LRP1B: variants seen among roughly 807,000 people sequenced by gnomAD.
LRP1B encodes the protein low-density lipoprotein receptor-related protein 1B.
A neutral mutation model predicts 556.6 loss-of-function variants in LRP1B; 217 were observed. The ratio of observed to expected loss-of-function variants is 0.39; its 90% confidence interval spans 0.35 to 0.44. The LOEUF (loss-of-function observed/expected upper bound fraction) is 0.44, where lower values mean the gene tolerates loss of function less well. Ranked by LOEUF, LRP1B falls within the 20% of genes least tolerant of loss-of-function variation. The probability of loss-of-function intolerance (pLI) is 1.00; values close to 1 mark genes in which losing one functional copy is unlikely to be tolerated. For missense variants in LRP1B, 5,053 were observed against 5,620.8 expected (o/e 0.90, Z 3.23); for synonymous variants, 2,047 against 1,865.8 (o/e 1.10, Z -2.50).
At chr2:141,119,850 G>A (rs1363495366) in intron 7 of LRP1B, among the ~76,000 whole-genome samples, 2 of 151,604 alleles carry the variant, frequency 1.3e-5, no homozygotes, top group African/African-American at 4.8e-5. Flanking sequence ...GCACAGACTT[G>A]GCCTAAGAAG....
chr2:140,380,904 C>A (rs1157645184), intron 67 of LRP1B, among the ~76,000 whole-genome samples: 3 of 152,146 alleles, frequency 2.0e-5, no homozygotes, highest in Non-Finnish European at 2.9e-5. Flanking sequence ...AATTATTCTG[C>A]TTCAAAATGG....
At chr2:140,938,152 A>G (rs1695285143) in intron 20 of LRP1B, among the ~76,000 whole-genome samples, 1 of 151,566 alleles carries the variant, frequency 6.6e-6, no homozygotes, top group Non-Finnish European at 1.5e-5. Context: ...CCTTTTCCTC[A>G]TCTACACAAT....
At chr2:140,883,794 C>G (rs750038663) in intron 25 of LRP1B, 23 bp downstream of exon 25, 2 of 1,566,764 alleles carry the variant, frequency 1.3e-6, no homozygotes, top group Non-Finnish European at 1.7e-6. Context: ...CAAAATCAAT[C>G]TATAAAAGGC....
intron 1 of LRP1B, among the ~76,000 whole-genome samples, chr2:142,086,705 T>C (rs1705947531): frequency 6.6e-6 from 1 of 152,032 alleles, no homozygotes; most frequent in Non-Finnish European, 1.5e-5. Flanking sequence ...TACGAGGCTC[T>C]CCGATAAATT....
intron 7 of LRP1B, among the ~76,000 whole-genome samples, chr2:141,070,353 C>T (rs1243976578): frequency 6.7e-6 from 1 of 150,344 alleles, no homozygotes; most frequent in African/African-American, 2.4e-5. Flanking sequence ...ACATTCAAAG[C>T]AGTGTGTAGA....
At chr2:141,362,851 T>C (rs1311798794) in intron 3 of LRP1B, among the ~76,000 whole-genome samples, 1 of 152,132 alleles carries the variant, frequency 6.6e-6, no homozygotes, top group African/African-American at 2.4e-5. Flanking sequence ...TAATGATGTG[T>C]TTCATCTTGG....
chr2:140,328,498 AAAAC>A (rs937762220), intron 79 of LRP1B, among the ~76,000 whole-genome samples: 15 of 152,080 alleles, frequency 9.9e-5, no homozygotes, highest in African/African-American at 3.6e-4. Flanking sequence ...GAAAATGAAG[AAAAC>A]AAAATATTAT....
intron 55 of LRP1B, 45 bp downstream of exon 55, chr2:140,501,642 A>G (rs752690953): frequency 7.2e-7 from 1 of 1,389,862 alleles, no homozygotes; most frequent in East Asian, 2.4e-5. Context: ...CTTAACCTCC[A>G]ATTCTAATGT....
intron 7 of LRP1B, among the ~76,000 whole-genome samples, chr2:141,124,274 G>A (rs963345361): frequency 2.0e-5 from 3 of 152,106 alleles, no homozygotes; most frequent in East Asian, 3.9e-4. Flanking sequence ...ACTGAACAGA[G>A]TTTAAAAATG....
chr2:141,110,616 G>C (rs764617563), intron 7 of LRP1B, among the ~76,000 whole-genome samples: 8 of 149,560 alleles, frequency 5.3e-5, no homozygotes. Context: ...GGAAAACAAA[G>C]ACAAGAAAGT....
intron 41 of LRP1B, among the ~76,000 whole-genome samples, chr2:140,665,392 G>A (rs1186448074): frequency 1.3e-5 from 2 of 152,124 alleles, no homozygotes; most frequent in African/African-American, 2.4e-5. Flanking sequence ...ACCTGGTCCA[G>A]TATTTTTCTA....
At chr2:140,943,931 C>A (rs189680585) in intron 20 of LRP1B, among the ~76,000 whole-genome samples, 1 of 151,966 alleles carries the variant, frequency 6.6e-6, no homozygotes, top group Admixed American at 6.6e-5. Context: ...CAGAGCAGAA[C>A]TAAAAGAAAT....
chr2:141,995,110 G>A (rs1192345291), intron 1 of LRP1B, among the ~76,000 whole-genome samples: 1 of 152,004 alleles, frequency 6.6e-6, no homozygotes, highest in African/African-American at 2.4e-5. Context: ...TAGCATATTA[G>A]TTTTCTATTG....
intron 7 of LRP1B, among the ~76,000 whole-genome samples, chr2:141,090,702 C>T (rs1413807223): frequency 6.6e-6 from 1 of 152,180 alleles, no homozygotes; most frequent in African/African-American, 2.4e-5. Context: ...ACTTCATCTA[C>T]TTTAATGAAG....
intron 11 of LRP1B, among the ~76,000 whole-genome samples, chr2:141,038,955 A>G (rs898803573): frequency 6.6e-6 from 1 of 152,098 alleles, no homozygotes; most frequent in East Asian, 1.9e-4. Flanking sequence ...TATATATATA[A>G]TAATACAACA....
At chr2:141,416,863 G>C (rs946451157) in intron 3 of LRP1B, among the ~76,000 whole-genome samples, 2 of 152,088 alleles carry the variant, frequency 1.3e-5, no homozygotes, top group Non-Finnish European at 2.9e-5. Context: ...TGTCTTTCAA[G>C]GATAGGAACA....
chr2:140,334,395 TTAACAG>T, intron 79 of LRP1B, 52 bp downstream of exon 79: 1 of 1,044,440 alleles, frequency 9.6e-7, no homozygotes, highest in Non-Finnish European at 1.5e-6. Flanking sequence ...GAAATAACTG[TTAACAG>T]TAATATACTT....
intron 75 of LRP1B, among the ~76,000 whole-genome samples, chr2:140,354,436 GA>G (rs1447627942): frequency 3.3e-5 from 5 of 152,102 alleles, no homozygotes; most frequent in Non-Finnish European, 7.4e-5. Context: ...GTAGAGTAAA[GA>G]GATGCAGAAA....
intron 2 of LRP1B, among the ~76,000 whole-genome samples, chr2:141,711,084 C>T (rs1330439611): frequency 6.6e-6 from 1 of 152,118 alleles, no homozygotes; most frequent in African/African-American, 2.4e-5. Context: ...GTCTTTAGGA[C>T]AATTACAGTG....
Sources: gnomAD v4.1 joint callset for allele counts (sites outside exome capture counted in the v4.1 genomes callset) on GRCh38, gnomAD v4.1.1 for gene constraint, MANE v1.5 for transcripts, NCBI Gene and HGNC (gene_info 2026-07-23, HGNC 2026-07-21) for gene names.